Variants in DCLK1 observed in about 807,000 individuals in gnomAD.
The protein encoded by DCLK1 is doublecortin like kinase 1, also known as serine/threonine-protein kinase DCLK1.
In DCLK1, 16 loss-of-function variants were observed where a neutral mutation model predicts 86.2. That is an observed-to-expected ratio of 0.19 (90% CI 0.13 to 0.28). The LOEUF (loss-of-function observed/expected upper bound fraction) is 0.28, where lower values mean the gene tolerates loss of function less well. Ranked by LOEUF, DCLK1 falls within the 10% of genes least tolerant of loss-of-function variation. DCLK1 has a pLI of 1.00. For synonymous variants in DCLK1, 369 were observed against 370.5 expected (o/e 1.00, Z 0.05); for missense variants, 590 against 940.2 (o/e 0.63, Z 4.87).
chr13:36,040,931 T>C (rs1882681497), intron 3 of DCLK1, among the ~76,000 whole-genome samples: 1 of 152,084 alleles, frequency 6.6e-6, no homozygotes, highest in Non-Finnish European at 1.5e-5. Context: ...CATTATGGGT[T>C]TGTTTTATTT....
At chr13:35,969,154 A>G (rs373774277) in intron 3 of DCLK1, among the ~76,000 whole-genome samples, 61 of 152,350 alleles carry the variant, frequency 4.0e-4, no homozygotes, top group African/African-American at 1.3e-3. Context: ...CAGTTAGGAC[A>G]TATAATGTGA....
At chr13:35,829,567 A>G (rs1868777466) in intron 8 of DCLK1, among the ~76,000 whole-genome samples, 1 of 152,172 alleles carries the variant, frequency 6.6e-6, no homozygotes. Context: ...GAATCAAGAG[A>G]CCAGGCGTTA....
At chr13:35,976,922 A>G (rs1879375648) in intron 3 of DCLK1, among the ~76,000 whole-genome samples, 1 of 152,174 alleles carries the variant, frequency 6.6e-6, no homozygotes, top group Non-Finnish European at 1.5e-5. Context: ...CACGGCATTA[A>G]CAATCATCAG....
chr13:35,847,252 C>G (rs1386981242), intron 6 of DCLK1: 2 of 984,972 alleles, frequency 2.0e-6, no homozygotes, highest in Non-Finnish European at 2.4e-6. Context: ...TTTGCCATAC[C>G]AGTTGAGCAA....
At chr13:35,800,176 T>C (rs1048459084) in intron 15 of DCLK1, among the ~76,000 whole-genome samples, 2 of 152,234 alleles carry the variant, frequency 1.3e-5, no homozygotes, top group African/African-American at 4.8e-5. Context: ...TAGCAATGGA[T>C]GAAACAGTTG....
chr13:35,870,309 G>T (rs1872174290), intron 5 of DCLK1, among the ~76,000 whole-genome samples: 1 of 152,104 alleles, frequency 6.6e-6, no homozygotes, highest in Admixed American at 6.5e-5. Context: ...GAGAATCAAG[G>T]AGGGCTGGGT....
Position 35,771,756 on chromosome 13 carries a change from A to C in DCLK1, c.*2779T>G, listed in dbSNP as rs41292211. The C allele has an allele frequency of 6.2e-4, 95 of 152,346 alleles. No individual in the cohort carries two copies. Among genetic ancestry groups the C allele is most frequent in the Non-Finnish European group, 1.2e-3 (83 of 68,036 alleles). 9.4% of individuals were successfully genotyped at this position (152,346 alleles called of 1,614,324 possible). On this transcript the variant is annotated 3_prime_UTR_variant, in exon 17 of 17. Transcript: ENST00000360631. ...ATTAAATACTTGGGAAAAAATATGGAAACACCGGTGGTGATGATTAAATTG... is the reference window on the plus strand; with the variant it reads ...ATTAAATACTTGGGAAAAAATATGGCAACACCGGTGGTGATGATTAAATTG...
intron 3 of DCLK1, among the ~76,000 whole-genome samples, chr13:36,111,594 A>T (rs532577531): frequency 6.6e-6 from 1 of 152,332 alleles, no homozygotes; most frequent in South Asian, 2.1e-4. Context: ...ACAGAAAAGA[A>T]TCATTATGTT....
intron 6 of DCLK1, among the ~76,000 whole-genome samples, chr13:35,840,852 C>T (rs539054972): frequency 6.6e-6 from 1 of 152,166 alleles, no homozygotes; most frequent in African/African-American, 2.4e-5. Flanking sequence ...TTTGTGAAAA[C>T]CTTGTGTTTA....
intron 4 of DCLK1, among the ~76,000 whole-genome samples, chr13:35,924,122 A>G (rs547560768): frequency 1.4e-4 from 22 of 152,248 alleles, no homozygotes; most frequent in African/African-American, 5.3e-4. Flanking sequence ...CAACCTGTCC[A>G]TGACTTCTTC....
intron 3 of DCLK1, among the ~76,000 whole-genome samples, chr13:35,956,760 A>G (rs1390595876): frequency 3.0e-5 from 1 of 33,714 alleles, no homozygotes; most frequent in Non-Finnish European, 6.2e-5. Flanking sequence ...ACTGGATCAT[A>G]AATGCCCTGT....
At chr13:35,794,494 T>G (rs1023083147) in intron 15 of DCLK1, among the ~76,000 whole-genome samples, 3 of 152,236 alleles carry the variant, frequency 2.0e-5, no homozygotes, top group African/African-American at 7.2e-5. Flanking sequence ...TCAAGCATAA[T>G]GTGCTGGCTC....
At chr13:36,117,374 T>C (rs1005564750) in intron 2 of DCLK1, among the ~76,000 whole-genome samples, 1 of 152,096 alleles carries the variant, frequency 6.6e-6, no homozygotes, top group Non-Finnish European at 1.5e-5. Flanking sequence ...TTAAAGCAGA[T>C]TTAAGATGTA....
At chr13:35,969,886 T>C (rs1017948341) in intron 3 of DCLK1, among the ~76,000 whole-genome samples, 2 of 152,132 alleles carry the variant, frequency 1.3e-5, no homozygotes, top group Non-Finnish European at 2.9e-5. Context: ...AGTGACCTTA[T>C]AAAAGAGGCC....
Position 35,827,614 on chromosome 13 carries a change from C to A in DCLK1, c.1407+21G>T, listed in dbSNP as rs888689484. On this transcript the variant is annotated intron_variant, in intron 10 of 16. Transcript: ENST00000360631. ...GTGCGGTGCCATCAATAAAGACTTA[C>A]TTTCTTTCCAAAATACACACCTTTA... 2.1e-5 allele frequency: 34 copies of A among 1,613,200 alleles called. No homozygotes were observed. In the South Asian group the frequency reaches 3.3e-4, roughly 16 times the overall value.
chr13:35,782,360 C>A (rs181681396), intron 16 of DCLK1, among the ~76,000 whole-genome samples: 230 of 152,228 alleles, frequency 1.5e-3, no homozygotes, highest in Non-Finnish European at 2.6e-3. Context: ...CTTATAGGAG[C>A]CCAACCTCAG....
intron 3 of DCLK1, among the ~76,000 whole-genome samples, chr13:36,068,568 T>C (rs1883852398): frequency 6.6e-6 from 1 of 152,100 alleles, no homozygotes. Flanking sequence ...AACAGTCTTT[T>C]TTTTTTTAAC....
chr13:35,837,320 G>A (rs111317290), intron 7 of DCLK1, among the ~76,000 whole-genome samples: 164 of 152,262 alleles, frequency 1.1e-3, no homozygotes, highest in African/African-American at 3.7e-3. Context: ...ATTTGCTGCT[G>A]CTACTTTTGT....
chr13:36,085,780 G>T (rs1258095145), intron 3 of DCLK1, among the ~76,000 whole-genome samples: 1 of 151,644 alleles, frequency 6.6e-6, no homozygotes, highest in Non-Finnish European at 1.5e-5. Context: ...ATTTGAAAAG[G>T]GCAAAAAGAG....
Sources: gnomAD v4.1 joint callset for allele counts (sites outside exome capture counted in the v4.1 genomes callset) on GRCh38, gnomAD v4.1.1 for gene constraint, MANE v1.5 for transcripts, NCBI Gene and HGNC (gene_info 2026-07-23, HGNC 2026-07-21) for gene names.